LAMC3: variants seen among roughly 807,000 people sequenced by gnomAD.
The protein encoded by LAMC3 is laminin subunit gamma-3.
LAMC3 carries 128 observed loss-of-function variants against 173.8 expected under a neutral mutation model. The ratio of observed to expected loss-of-function variants is 0.74; its 90% CI spans 0.64 to 0.85. The LOEUF (loss-of-function observed/expected upper bound fraction) is 0.85, where lower values mean the gene tolerates loss of function less well. LAMC3 is among the 40% of genes least tolerant of loss of function. The pLI is 0.00. For missense variants in LAMC3, 2,022 were observed against 2,156.0 expected, an observed-to-expected ratio of 0.94 and a Z score of 1.23; for synonymous variants, 897 against 909.1, an observed-to-expected ratio of 0.99 and a Z score of 0.24.
intron 24 of LAMC3, among the ~76,000 whole-genome samples, chr9:131,082,510 G>A (rs1041365510): frequency 1.3e-5 from 2 of 152,162 alleles, no homozygotes; most frequent in Non-Finnish European, 2.9e-5. Context: ...ATGGCTGTCC[G>A]GGTCCAATGT....
At chr9:131,055,340 G>A (rs1255587479) in intron 11 of LAMC3, among the ~76,000 whole-genome samples, 1 of 151,670 alleles carries the variant, frequency 6.6e-6, no homozygotes. Context: ...AGGTTGATCT[G>A]CCAGGATCCC....
At chr9:131,041,513 T>C (rs1412179404) in intron 6 of LAMC3, 124 bp from the exon 7 acceptor site, 1 of 829,874 alleles carries the variant, frequency 1.2e-6, no homozygotes, top group Non-Finnish European at 2.0e-6. Flanking sequence ...TAAAGCCAGG[T>C]CAGTTACCTG....
intron 13 of LAMC3, among the ~76,000 whole-genome samples, chr9:131,062,628 C>T (rs550895745): frequency 2.4e-4 from 37 of 151,930 alleles, no homozygotes; most frequent in African/African-American, 7.7e-4. Context: ...CAGCACTTTG[C>T]GAGGCTGAGG....
chr9:131,079,412 C>T (rs574211096), intron 23 of LAMC3, 114 bp downstream of exon 23: 39 of 1,319,120 alleles, frequency 3.0e-5, no homozygotes, highest in East Asian at 7.6e-5. Flanking sequence ...TAGCTCTGTC[C>T]GGCCGGGTGT....
chr9:131,041,812 T>C (rs1834062802), intron 7 of LAMC3, 77 bp downstream of exon 7: 1 of 1,317,736 alleles, frequency 7.6e-7, no homozygotes, highest in African/African-American at 1.4e-5. Context: ...AGCTGTGGAG[T>C]GCGGGGAGGA....
In LAMC3 at chr9:131,072,771, T is replaced by C. The variant is rs1315568822; in HGVS notation, c.3353T>C (p.Leu1118Pro). Reference sequence around the variant, plus strand: ...AAGACCTGCACCCAGCTGGCAGACCTGGAGGCAGTGCTGGAGTCCTCGGAA... The same window carrying C: ...AAGACCTGCACCCAGCTGGCAGACCCGGAGGCAGTGCTGGAGTCCTCGGAA... ...SQKTCTQLAD[L>P]EAVLESSEEE... Residue 1118 changes from leucine (L) to proline (P), a missense_variant, in exon 19 of 28, where the codon CTG becomes CCG. Leu to Pro is a moderately conservative substitution (Grantham distance 98). Transcript: ENST00000361069. The C allele has an allele frequency of 1.1e-5, 17 of 1,613,296 alleles. No individual in the cohort carries two copies. Among genetic ancestry groups the C allele is most frequent in the Non-Finnish European group, 1.4e-5 (16 of 1,179,820 alleles).
Position 131,009,340 on chromosome 9 carries a change from G to A in LAMC3, c.126G>A (p.Ala42=). ...PQRCLPVFEN[A]AFGRLAQASH... ...GCTGCCTGCCGGTGTTCGAGAACGCGGCGTTTGGGCGGCTCGCCCAGGCCT... is the reference window on the plus strand; with the variant it reads ...GCTGCCTGCCGGTGTTCGAGAACGCAGCGTTTGGGCGGCTCGCCCAGGCCT... The change falls in exon 1 of 28, where the codon GCG becomes GCA. Residue 42 remains alanine (A), a synonymous_variant. Transcript: ENST00000361069. This position sits in a 1 kb window ranked among gnomAD's most constrained non-coding sequence, Gnocchi z 4.3. 6.7e-7 allele frequency: 1 copy of A among 1,492,008 alleles called. No homozygotes were observed. The highest frequency in any genetic ancestry group is 1.5e-5 in the African/African-American group (1 of 68,504). The allele number at this position is 1,492,008 out of a possible 1,614,324, so 92.4% of individuals were successfully genotyped here.
At chr9:131,032,437 TCCTC>T (rs962434842) in intron 3 of LAMC3, among the ~76,000 whole-genome samples, 86 of 150,992 alleles carry the variant, frequency 5.7e-4, no homozygotes, top group Admixed American at 1.4e-3. Context: ...GTTCCTTCCT[TCCTC>T]CCTCCCTCCC....
chr9:131,013,919 G>C (rs1031558098), intron 1 of LAMC3, among the ~76,000 whole-genome samples: 1 of 152,242 alleles, frequency 6.6e-6, no homozygotes, highest in Non-Finnish European at 1.5e-5. Context: ...CGAGTGGGCG[G>C]CTGCGATTGC....
chr9:131,054,526 G>A (rs1271479874), intron 11 of LAMC3, among the ~76,000 whole-genome samples: 1 of 152,144 alleles, frequency 6.6e-6, no homozygotes. Context: ...GGCTGAGGCG[G>A]GCGGATCACT....
chr9:131,062,587 G>A (rs1829851746), intron 13 of LAMC3, among the ~76,000 whole-genome samples: 1 of 151,992 alleles, frequency 6.6e-6, no homozygotes, highest in Non-Finnish European at 1.5e-5. Flanking sequence ...GTGTTGTTGA[G>A]GCCAGGCGCA....
intron 2 of LAMC3, among the ~76,000 whole-genome samples, chr9:131,028,376 C>T (rs947321866): frequency 6.6e-6 from 1 of 152,236 alleles, no homozygotes; most frequent in African/African-American, 2.4e-5. Context: ...CCCAGGGAAC[C>T]TGCCCTCTCC....
intron 21 of LAMC3, 92 bp from the exon 22 acceptor site, chr9:131,077,095 C>A (rs536002126): frequency 1.9e-6 from 3 of 1,555,228 alleles, no homozygotes; most frequent in Admixed American, 3.3e-5. Flanking sequence ...TTGGCAGAGG[C>A]CTTTGCAAAC....
chr9:131,087,423 A>G (rs1462962087), intron 25 of LAMC3, 53 bp from the exon 26 acceptor site: 15 of 1,610,154 alleles, frequency 9.3e-6, no homozygotes, highest in African/African-American at 1.3e-5. Context: ...TTTACCTCCA[A>G]AAGGACTTGC....
At chr9:131,052,434 A>G (rs1184647269) in intron 9 of LAMC3, 57 bp from the exon 10 acceptor site, 8 of 1,436,092 alleles carry the variant, frequency 5.6e-6, no homozygotes, top group Admixed American at 3.4e-5. Context: ...CAACATAGAC[A>G]TTTAAAATCA....
intron 1 of LAMC3, among the ~76,000 whole-genome samples, chr9:131,012,897 T>C (rs1385918971): frequency 6.6e-6 from 1 of 152,240 alleles, no homozygotes. Flanking sequence ...CCTGGACATC[T>C]GTTCCGGATC....
intron 15 of LAMC3, 70 bp downstream of exon 15, chr9:131,068,301 AG>A: frequency 6.6e-7 from 1 of 1,514,244 alleles, no homozygotes; most frequent in East Asian, 2.3e-5. Context: ...GGCAGCCCCC[AG>A]GGAGGGGCCT....
At chr9:131,058,860 C>T (rs557571262) in intron 12 of LAMC3, among the ~76,000 whole-genome samples, 2 of 148,622 alleles carry the variant, frequency 1.3e-5, no homozygotes, top group African/African-American at 5.0e-5. Flanking sequence ...TGCCATTGCA[C>T]TCCAGCCTGG....
intron 11 of LAMC3, 91 bp from the exon 12 acceptor site, chr9:131,056,838 C>T: frequency 1.1e-6 from 1 of 946,222 alleles, no homozygotes; most frequent in Non-Finnish European, 1.7e-6. Context: ...ATACGTGGGC[C>T]TGGTCCATAT....
Sources: allele counts gnomAD v4.1 joint callset (sites outside exome capture counted in the v4.1 genomes callset), GRCh38; gene constraint gnomAD v4.1.1; non-coding constraint Gnocchi (gnomAD v3.1); transcripts MANE v1.5; gene names NCBI Gene and HGNC (gene_info 2026-07-23, HGNC 2026-07-21).